The following IRAK2 variants were observed in gnomAD, a reference collection of about 807,000 sequenced individuals.
IRAK2 encodes interleukin 1 receptor associated kinase 2.
A neutral mutation model predicts 72.0 loss-of-function variants in IRAK2; 57 were observed. The ratio of observed to expected loss-of-function variants is 0.79; its 90% CI spans 0.64 to 0.99. IRAK2 has a LOEUF of 0.99. Ranked by LOEUF, IRAK2 falls within the 50% of genes least tolerant of loss-of-function variation. IRAK2 has a pLI of 0.00. For synonymous variants in IRAK2, 293 were observed against 312.7 expected, an observed-to-expected ratio of 0.94 and a Z score of 0.67; for missense variants, 790 against 794.4, an observed-to-expected ratio of 0.99 and a Z score of 0.07.
chr3:10,212,160 T>A (rs984880063), intron 4 of IRAK2, among the ~76,000 whole-genome samples: 2 of 152,162 alleles, frequency 1.3e-5, no homozygotes, highest in Admixed American at 1.3e-4. Flanking sequence ...TTTTATAGGC[T>A]TATATACACA....
At chr3:10,206,594 T>C (rs1304007333) in intron 3 of IRAK2, among the ~76,000 whole-genome samples, 1 of 152,184 alleles carries the variant, frequency 6.6e-6, no homozygotes, top group African/African-American at 2.4e-5. Context: ...CTCGCTCTGT[T>C]GCCCAGGTTG....
At position 10,233,939 on chromosome 3, in the gene IRAK2, C is replaced by T. The variant is rs1697907489; in HGVS notation, c.1273-520C>T. 2.6e-5 allele frequency among the ~76,000 whole-genome samples: 4 copies of T among 152,036 alleles called. No homozygotes were observed. The South Asian group carries it at 8.3e-4, about 32-fold the overall frequency. ...TCTCAGCTCATTGCAGCCTCCGCCCCCCACCTCCCCCACCATAGGTTCAAG... is the reference window on the plus strand; with the variant it reads ...TCTCAGCTCATTGCAGCCTCCGCCCTCCACCTCCCCCACCATAGGTTCAAG... On this transcript the variant is annotated intron_variant, in intron 10 of 12. Coordinates refer to ENST00000256458, the MANE Select transcript of IRAK2 (RefSeq NM_001570.4).
chr3:10,215,073 C>A (rs1158899698), intron 6 of IRAK2, among the ~76,000 whole-genome samples: 2 of 149,344 alleles, frequency 1.3e-5, no homozygotes, highest in Non-Finnish European at 3.0e-5. Flanking sequence ...GCCGGGGCAA[C>A]AAAGTGAGTC....
At chr3:10,170,794 C>G (rs2125139286) in intron 1 of IRAK2, among the ~76,000 whole-genome samples, 1 of 152,346 alleles carries the variant, frequency 6.6e-6, no homozygotes, top group Non-Finnish European at 1.5e-5. Context: ...AGCCTTTGGT[C>G]AGCCCACTTC....
chr3:10,234,796 C>T (rs1315511699), intron 11 of IRAK2, 137 bp downstream of exon 11: 8 of 775,080 alleles, frequency 1.0e-5, no homozygotes, highest in Non-Finnish European at 1.7e-5. Flanking sequence ...CTAGAGCTCC[C>T]ATCAGCCAAA....
chr3:10,180,395 A>T (rs886187374), intron 2 of IRAK2, among the ~76,000 whole-genome samples: 6 of 152,210 alleles, frequency 3.9e-5, no homozygotes, highest in Admixed American at 3.3e-4. Context: ...AGAAATGGGC[A>T]GGCAGGATAC....
intron 6 of IRAK2, among the ~76,000 whole-genome samples, chr3:10,216,282 G>T (rs1233193014): frequency 1.3e-5 from 2 of 152,212 alleles, no homozygotes; most frequent in African/African-American, 4.8e-5. Context: ...TGAAGAAGCA[G>T]GTTTGGGACT....
In IRAK2 at chr3:10,242,225, C is replaced by A. The variant is rs762093370; in HGVS notation, c.1875C>A (p.Pro625=). The A allele has an allele frequency of 1.9e-6, 3 of 1,588,354 alleles. No individual in the cohort carries two copies. Among genetic ancestry groups the A allele is most frequent in the South Asian group, 2.2e-5 (2 of 90,168 alleles). Residue 625 remains proline (P), a synonymous_variant, in exon 13 of 13, where the codon CCC becomes CCA. Coordinates refer to ENST00000256458, the MANE Select transcript of IRAK2 (RefSeq NM_001570.4). The part of the protein sequence containing the change: ...EKVDSIELFG[P] Reference sequence around the variant, plus strand: ...TGGACAGCATTGAGCTCTTTGGCCCCTGATGACCGGAACACAGCTGAGGAC... The same window carrying A: ...TGGACAGCATTGAGCTCTTTGGCCCATGATGACCGGAACACAGCTGAGGAC...
chr3:10,219,590 T>C, intron 7 of IRAK2, 90 bp from the exon 8 acceptor site: 2 of 880,856 alleles, frequency 2.3e-6, no homozygotes, highest in Non-Finnish European at 3.7e-6. Flanking sequence ...TGTGCTGGGA[T>C]TACAGGTGTG....
At chr3:10,193,450 A>C (rs1443072299) in intron 2 of IRAK2, among the ~76,000 whole-genome samples, 2 of 148,890 alleles carry the variant, frequency 1.3e-5, no homozygotes, top group African/African-American at 2.5e-5. Flanking sequence ...CCAAAAAAAA[A>C]CAAAAACAAA....
chr3:10,219,627 A>T lies in IRAK2; in HGVS notation c.904-53A>T, dbSNP rs149452832. 126 of 1,400,196 alleles carry T rather than the reference A, an allele frequency of 9.0e-5. 1 individual carries two copies. In the East Asian group the frequency reaches 2.5e-3, roughly 27 times the overall value. The allele number at this position is 1,400,196 out of a possible 1,614,324, so 86.7% of individuals were successfully genotyped here. On this transcript the variant is annotated intron_variant, in intron 7 of 12. Transcript: ENST00000256458. ...GCCACCGCACCTGGCTGCCATCAGG[A>T]CTTTAAAAAGGTACATTGTGACTAT... is the stretch of plus-strand genomic sequence containing the variant.
chr3:10,200,391 G>A lies in IRAK2; in HGVS notation c.300G>A (p.Arg100=), dbSNP rs370197501. The change falls in exon 3 of 13, where the codon AGG becomes AGA. Residue 100 remains arginine (R), a synonymous_variant. Coordinates refer to ENST00000256458, the MANE Select transcript of IRAK2 (RefSeq NM_001570.4). ...ILNWKPAPEI[R]CPIPAFPDSV... ...CAGGGAAACCGGCTCCTGAAATCAGGTGTCCCATTCCAGCCTTCCCTGACT... is the reference window on the plus strand; with the variant it reads ...CAGGGAAACCGGCTCCTGAAATCAGATGTCCCATTCCAGCCTTCCCTGACT... The A allele has an allele frequency of 5.6e-6, 9 of 1,595,854 alleles. No homozygotes were observed. The highest frequency in any genetic ancestry group is 6.0e-6 in the Non-Finnish European group (7 of 1,168,086).
chr3:10,241,511 A>T (rs1414233370), intron 12 of IRAK2, among the ~76,000 whole-genome samples: 1 of 150,610 alleles, frequency 6.6e-6, no homozygotes, highest in African/African-American at 2.4e-5. Flanking sequence ...GTGAGCCGAG[A>T]TTGAGCCACT....
At chr3:10,224,336 CAAAA>C (rs202221336) in intron 9 of IRAK2, among the ~76,000 whole-genome samples, 3 of 121,838 alleles carry the variant, frequency 2.5e-5, no homozygotes, top group Non-Finnish European at 3.6e-5. Context: ...GATTCTGTCT[CAAAA>C]AAAAAAAAAA....
At chr3:10,177,746 C>G in intron 1 of IRAK2, 92 bp from the exon 2 acceptor site, 5 of 1,279,104 alleles carry the variant, frequency 3.9e-6, no homozygotes, top group Non-Finnish European at 5.6e-6. Context: ...GGGAGGATGT[C>G]CTGGAAAAGC....
intron 10 of IRAK2, among the ~76,000 whole-genome samples, chr3:10,227,401 T>C (rs1455153733): frequency 3.3e-5 from 5 of 152,000 alleles, no homozygotes; most frequent in Admixed American, 3.3e-4. Context: ...TGAGCCAAGA[T>C]TGCACCACTG....
intron 11 of IRAK2, 101 bp downstream of exon 11, chr3:10,234,760 T>A: frequency 9.5e-7 from 1 of 1,051,696 alleles, no homozygotes; most frequent in Non-Finnish European, 1.4e-6. Context: ...ACCAGGGTTG[T>A]GCTTGCTTGC....
chr3:10,208,415 C>A (rs1222695147), intron 3 of IRAK2, among the ~76,000 whole-genome samples: 16 of 151,262 alleles, frequency 1.1e-4, no homozygotes, highest in African/African-American at 3.4e-4. Context: ...GATCCTCATC[C>A]TCCCAAGTAG....
In IRAK2 at chr3:10,213,303, G is replaced by A; in HGVS notation, c.625G>A (p.Asp209Asn). ...SEADVVQATD[D>N]FNQNRKISQG... The stretch of plus-strand genomic sequence containing the variant: ...GGCAGACGTGGTCCAGGCAACCGAT[G>A]ACTTCAATCAAAACCGCAAAATCAG... Residue 209 changes from aspartate to asparagine, a missense_variant, in exon 5 of 13, where the codon GAC (aspartate) becomes AAC (asparagine). Coordinates refer to ENST00000256458, the MANE Select transcript of IRAK2 (RefSeq NM_001570.4). The A allele has an allele frequency of 6.2e-7, 1 of 1,614,152 alleles. No homozygotes were observed. The highest frequency in any genetic ancestry group is 8.5e-7 in the Non-Finnish European group (1 of 1,180,038).
Sources: allele counts gnomAD v4.1 joint callset (sites outside exome capture counted in the v4.1 genomes callset), GRCh38; gene constraint gnomAD v4.1.1; transcripts MANE v1.5; gene names NCBI Gene and HGNC (gene_info 2026-07-23, HGNC 2026-07-21).